CDC42BPA: variants seen among roughly 807,000 people sequenced by gnomAD.
CDC42BPA encodes serine/threonine-protein kinase MRCK alpha.
In CDC42BPA, 80 loss-of-function variants were observed where a neutral mutation model predicts 223.5. That is an observed-to-expected ratio of 0.36 (90% CI 0.30 to 0.43). The LOEUF (loss-of-function observed/expected upper bound fraction) is 0.43, where lower values mean the gene tolerates loss of function less well. Among genes scored for constraint, CDC42BPA ranks in the 20% least tolerant of loss-of-function variants. The probability of loss-of-function intolerance (pLI) is 1.00; values close to 1 mark genes in which losing one functional copy is unlikely to be tolerated. For synonymous variants in CDC42BPA, 694 were observed against 718.6 expected, an observed-to-expected ratio of 0.97 and a Z score of 0.55; for missense variants, 1,743 against 2,099.9, an observed-to-expected ratio of 0.83 and a Z score of 3.32.
intron 1 of CDC42BPA, among the ~76,000 whole-genome samples, chr1:227,291,380 C>T (rs905309538): frequency 2.0e-5 from 3 of 152,098 alleles, no homozygotes; most frequent in African/African-American, 7.2e-5. Context: ...GAAACCCCGT[C>T]TCTACTAAAA....
intron 2 of CDC42BPA, among the ~76,000 whole-genome samples, chr1:227,221,070 G>T (rs146681854): frequency 1.0e-3 from 159 of 152,122 alleles, no homozygotes; most frequent in African/African-American, 3.6e-3. Context: ...CACTCTACTA[G>T]ACTGAAACTA....
Position 227,312,191 on chromosome 1 carries a change from T to G in CDC42BPA, c.178+4814A>C, listed in dbSNP as rs565942619. Among the ~76,000 whole-genome samples, 27 of 152,308 alleles carry G rather than the reference T, an allele frequency of 1.8e-4. No individual in the cohort carries two copies. In the South Asian group the frequency reaches 5.2e-3, roughly 29 times the overall value. ...AATGCTGGTTAGACTTAGTAATTGGTTTTAAAACCTATCACAACCAGCAGG... is the reference window on the plus strand; with the variant it reads ...AATGCTGGTTAGACTTAGTAATTGGGTTTAAAACCTATCACAACCAGCAGG... On this transcript the variant is annotated intron_variant, in intron 1 of 36. Transcript: ENST00000366766.
At chr1:227,310,166 C>T (rs1308894540) in intron 1 of CDC42BPA, among the ~76,000 whole-genome samples, 1 of 152,142 alleles carries the variant, frequency 6.6e-6, no homozygotes, top group Non-Finnish European at 1.5e-5. Context: ...CCTCCAGACG[C>T]TCTGAAAAAA....
chr1:227,119,981 C>A, intron 11 of CDC42BPA, 44 bp from the exon 12 acceptor site: 2 of 1,493,330 alleles, frequency 1.3e-6, no homozygotes, highest in South Asian at 1.3e-5. Context: ...TGTATAAAAG[C>A]AAATGATTGA....
intron 16 of CDC42BPA, 69 bp from the exon 17 acceptor site, chr1:227,081,086 T>C: frequency 6.7e-7 from 1 of 1,500,536 alleles, no homozygotes; most frequent in South Asian, 1.2e-5. Flanking sequence ...ACAGGTATTG[T>C]CAAATTTGAT....
intron 12 of CDC42BPA, among the ~76,000 whole-genome samples, chr1:227,119,130 T>C (rs17605533): frequency 0.096 from 14,669 of 152,156 alleles, 873 homozygotes; most frequent in Middle Eastern, 0.16. Flanking sequence ...ACTGATTTCT[T>C]GTTTGCAATG....
intron 2 of CDC42BPA, among the ~76,000 whole-genome samples, chr1:227,250,694 CA>C (rs776547452): frequency 6.6e-6 from 1 of 151,354 alleles, no homozygotes. Flanking sequence ...TTTAGGACCT[CA>C]AAAAATATAT....
At chr1:227,100,777 T>TGTGTGTGTGTGTGTGTGTGTGTGTGC (rs777124731) in intron 15 of CDC42BPA, among the ~76,000 whole-genome samples, 4 of 128,510 alleles carry the variant, frequency 3.1e-5, no homozygotes, top group Middle Eastern at 3.4e-3. Flanking sequence ...TGTGTGTGTG[T>TGTGTGTGTGTGTGTGTGTGTGTGTGC]GCGTGTGCCA....
intron 12 of CDC42BPA, among the ~76,000 whole-genome samples, chr1:227,114,411 A>G (rs907424333): frequency 3.3e-5 from 5 of 151,786 alleles, no homozygotes; most frequent in Non-Finnish European, 7.4e-5. Flanking sequence ...AGAGCTTACC[A>G]TAATCAGATC....
At chr1:227,146,368 A>G (rs947867760) in intron 7 of CDC42BPA, among the ~76,000 whole-genome samples, 2 of 152,104 alleles carry the variant, frequency 1.3e-5, no homozygotes, top group African/African-American at 4.8e-5. Context: ...TGTACATGCT[A>G]TTTACAACCC....
At position 227,193,943 on chromosome 1, in the gene CDC42BPA, G is replaced by A. The variant is rs200905199; in HGVS notation, c.451-9C>T. On this transcript the variant is annotated splice_polypyrimidine_tract_variant and intron_variant, in intron 4 of 36. Transcript: ENST00000366766. ...TAATCCATAACCAGGTACTGTGAAT[G>A]AAAAAAATAAAATGTACTCAGTAAA... The A allele has an allele frequency of 2.2e-5, 35 of 1,586,122 alleles. No homozygotes were observed. The highest frequency in any genetic ancestry group is 3.6e-5 in the Admixed American group (2 of 55,160).
chr1:227,035,254 A>G (rs189567191), intron 25 of CDC42BPA, among the ~76,000 whole-genome samples: 1 of 152,232 alleles, frequency 6.6e-6, no homozygotes, highest in Non-Finnish European at 1.5e-5. Context: ...ACAAGATAGG[A>G]ACAATATGGA....
chr1:227,016,881 T>C, intron 33 of CDC42BPA, 46 bp downstream of exon 33: 1 of 1,556,344 alleles, frequency 6.4e-7, no homozygotes, highest in Non-Finnish European at 8.7e-7. Flanking sequence ...GAGTAGTCCT[T>C]GATGGTACAA....
intron 14 of CDC42BPA, among the ~76,000 whole-genome samples, chr1:227,107,436 T>C (rs1686122974): frequency 6.6e-6 from 1 of 151,542 alleles, no homozygotes; most frequent in Admixed American, 6.6e-5. Flanking sequence ...TACCTTTCCT[T>C]TTGAGACAGG....
intron 15 of CDC42BPA, among the ~76,000 whole-genome samples, chr1:227,099,670 CCTCA>C (rs1356157401): frequency 1.3e-5 from 2 of 152,008 alleles, no homozygotes; most frequent in East Asian, 1.9e-4. Flanking sequence ...ACAATGGCCT[CCTCA>C]CTATTTTGTA....
At chr1:227,257,565 C>G (rs542688093) in intron 1 of CDC42BPA, among the ~76,000 whole-genome samples, 4 of 150,658 alleles carry the variant, frequency 2.7e-5, no homozygotes, top group Non-Finnish European at 5.9e-5. Context: ...GCCTGGTCAA[C>G]ATGGTGAAAC....
intron 2 of CDC42BPA, among the ~76,000 whole-genome samples, chr1:227,232,130 T>A (rs917955553): frequency 6.6e-6 from 1 of 152,240 alleles, no homozygotes; most frequent in Non-Finnish European, 1.5e-5. Flanking sequence ...AAAATTTAAG[T>A]CTTTAATCCA....
At chr1:227,215,223 G>A (rs779582557) in intron 2 of CDC42BPA, among the ~76,000 whole-genome samples, 30 of 152,212 alleles carry the variant, frequency 2.0e-4, no homozygotes, top group Non-Finnish European at 3.4e-4. Context: ...TAATGATGAC[G>A]CCTAATATTT....
chr1:227,184,251 C>T (rs1668401611), intron 5 of CDC42BPA, among the ~76,000 whole-genome samples: 1 of 152,066 alleles, frequency 6.6e-6, no homozygotes, highest in Non-Finnish European at 1.5e-5. Flanking sequence ...TCTAAAAACT[C>T]CTTACCAAGC....
Sources: gnomAD v4.1 joint callset for allele counts (sites outside exome capture counted in the v4.1 genomes callset) on GRCh38, gnomAD v4.1.1 for gene constraint, MANE v1.5 for transcripts, NCBI Gene and HGNC (gene_info 2026-07-23, HGNC 2026-07-21) for gene names.